The following NCK2 variants were observed in gnomAD, a reference collection of about 807,000 sequenced individuals.
NCK2 encodes the protein NCK adaptor protein 2, also known as cytoplasmic protein NCK2.
Under a neutral mutation model 33.9 loss-of-function variants are expected in NCK2, and 16 were observed. That is an observed-to-expected ratio of 0.47 (90% CI 0.32 to 0.72). The LOEUF (loss-of-function observed/expected upper bound fraction) is 0.72. NCK2 is among the 30% of genes least tolerant of loss of function. The pLI, the probability that NCK2 is intolerant of heterozygous loss-of-function variation, is 0.03. For synonymous variants in NCK2, 273 were observed against 239.9 expected, an observed-to-expected ratio of 1.14 and a Z score of -1.27; for missense variants, 418 against 537.3, an observed-to-expected ratio of 0.78 and a Z score of 2.19.
intron 1 of NCK2, among the ~76,000 whole-genome samples, chr2:105,766,046 C>G (rs1689933111): frequency 6.6e-6 from 1 of 152,092 alleles, no homozygotes; most frequent in Admixed American, 6.6e-5. Flanking sequence ...TGCTTCCTGC[C>G]AAGCAGGACT....
intron 1 of NCK2, among the ~76,000 whole-genome samples, chr2:105,764,688 A>T (rs900982949): frequency 6.6e-6 from 1 of 152,238 alleles, no homozygotes; most frequent in African/African-American, 2.4e-5. Flanking sequence ...ACTTTTAAAG[A>T]TAGAGATAAT....
At chr2:105,880,167 C>G (rs532209857) in intron 3 of NCK2, among the ~76,000 whole-genome samples, 1 of 152,332 alleles carries the variant, frequency 6.6e-6, no homozygotes, top group African/African-American at 2.4e-5. Context: ...ATTCGATACT[C>G]GTATCTGTGA....
chr2:105,747,395 C>G (rs1264522121), intron 1 of NCK2, among the ~76,000 whole-genome samples: 1 of 152,152 alleles, frequency 6.6e-6, no homozygotes, highest in Non-Finnish European at 1.5e-5. Context: ...CACTGGAGTC[C>G]TTTACTTGAT....
At chr2:105,889,405 C>A (rs1011041835) in intron 4 of NCK2, among the ~76,000 whole-genome samples, 2 of 152,136 alleles carry the variant, frequency 1.3e-5, no homozygotes, top group African/African-American at 4.8e-5. Flanking sequence ...CCAGCACTGC[C>A]GATGTTTGTT....
At chr2:105,761,277 G>A (rs1232088711) in intron 1 of NCK2, among the ~76,000 whole-genome samples, 1 of 152,146 alleles carries the variant, frequency 6.6e-6, no homozygotes, top group African/African-American at 2.4e-5. Flanking sequence ...GTCTTGAAGT[G>A]GTCATTTTAA....
rs370529360 is a variant in NCK2 at position 105,792,355 on chromosome 2, T to A, written c.-200-24075T>A. Among the ~76,000 whole-genome samples, 47 of 152,342 alleles carry A rather than the reference T, an allele frequency of 3.1e-4. 1 individual carries two copies. Among genetic ancestry groups the A allele is most frequent in the African/African-American group, 1.1e-3 (46 of 41,574 alleles). On this transcript the variant is annotated intron_variant, in intron 1 of 4. Coordinates refer to ENST00000233154, the MANE Select transcript of NCK2 (RefSeq NM_003581.5). ...CCCAGCTTCAGCAGTTATCAATTAA[T>A]GGCCAATCCTTTATCTAAGCCCCTA...
Position 105,805,901 on chromosome 2 carries a change from A to T in NCK2, c.-200-10529A>T, listed in dbSNP as rs538184787. On this transcript the variant is annotated intron_variant, in intron 1 of 4. Coordinates refer to ENST00000233154, the MANE Select transcript of NCK2 (RefSeq NM_003581.5). ...TTTTTCCAGATTTTGGAATATTTGC[A>T]TAAACATAACGAGAGGTTTTGGGGA... Among the ~76,000 whole-genome samples, 178 of 152,188 alleles carry T rather than the reference A, an allele frequency of 1.2e-3. 1 individual carries two copies. The highest frequency in any genetic ancestry group is 4.2e-3 in the African/African-American group (172 of 41,426).
chr2:105,750,067 C>CACACACACACACACACAA lies in NCK2; in HGVS notation c.-201+4930_-201+4931insCACACACACACACACAAA, dbSNP rs1553449504. Reference sequence around the variant, plus strand: ...ACACACACACACACACACACACACACAAAACAACAACAACAGAATGGGTGG... The same window carrying CACACACACACACACACAA: ...ACACACACACACACACACACACACACACACACACACACACACAAAAAACAACAACAACAGAATGGGTGG... On this transcript the variant is annotated intron_variant, in intron 1 of 4. Coordinates refer to ENST00000233154, the MANE Select transcript of NCK2 (RefSeq NM_003581.5). 4.0e-5 allele frequency among the ~76,000 whole-genome samples: 6 copies of CACACACACACACACACAA among 151,414 alleles called. No individual in the cohort carries two copies. In the East Asian group the frequency reaches 5.8e-4, roughly 15 times the overall value.
At chr2:105,869,722 G>A (rs942914614) in intron 3 of NCK2, among the ~76,000 whole-genome samples, 4 of 152,268 alleles carry the variant, frequency 2.6e-5, no homozygotes, top group East Asian at 1.9e-4. Flanking sequence ...CATCCTTGCC[G>A]CGTCTTGTAC....
chr2:105,835,409 G>GTGTATATATATATATATGTA (rs56250020), intron 2 of NCK2, among the ~76,000 whole-genome samples: 1 of 59,328 alleles, frequency 1.7e-5, no homozygotes, highest in Non-Finnish European at 3.3e-5. Context: ...ATATATACGT[G>GTGTATATATATATATATGTA]TATATATATA....
intron 1 of NCK2, among the ~76,000 whole-genome samples, chr2:105,765,833 A>C (rs981994823): frequency 6.9e-6 from 1 of 144,978 alleles, no homozygotes; most frequent in Admixed American, 6.8e-5. Flanking sequence ...GTGTGTGTGT[A>C]AGTCTGTGGA....
chr2:105,758,320 T>C (rs1483643060), intron 1 of NCK2, among the ~76,000 whole-genome samples: 1 of 152,020 alleles, frequency 6.6e-6, no homozygotes, highest in East Asian at 1.9e-4. Flanking sequence ...ATTTTACAGG[T>C]TTGTTTTATC....
At chr2:105,776,118 C>A (rs1261623295) in intron 1 of NCK2, among the ~76,000 whole-genome samples, 1 of 152,228 alleles carries the variant, frequency 6.6e-6, no homozygotes, top group Non-Finnish European at 1.5e-5. Context: ...GGGTGCGGAG[C>A]AGGCCATGCC....
chr2:105,792,159 G>A (rs919753597), intron 1 of NCK2, among the ~76,000 whole-genome samples: 3 of 152,158 alleles, frequency 2.0e-5, no homozygotes, highest in African/African-American at 7.2e-5. Context: ...AGGCAGGGAG[G>A]TGCTTTGCGC....
intron 3 of NCK2, among the ~76,000 whole-genome samples, chr2:105,880,936 ATTTTTTTTTTTTTT>A (rs59005322): frequency 0.046 from 4,777 of 103,682 alleles, 329 homozygotes; most frequent in African/African-American, 0.15. Flanking sequence ...CAGGTGGCTA[ATTTTTTTTTTTTTT>A]TTTTTTTTTT....
chr2:105,875,877 A>G (rs546648451), intron 3 of NCK2, among the ~76,000 whole-genome samples: 1 of 152,350 alleles, frequency 6.6e-6, no homozygotes, highest in South Asian at 2.1e-4. Context: ...TTTTATGATG[A>G]TAGATTTAAA....
intron 1 of NCK2, among the ~76,000 whole-genome samples, chr2:105,794,001 T>C (rs1690984825): frequency 6.6e-6 from 1 of 152,104 alleles, no homozygotes; most frequent in African/African-American, 2.4e-5. Context: ...TTCACATTGA[T>C]ACTTATAACT....
chr2:105,868,291 C>T (rs1027143171), intron 3 of NCK2, among the ~76,000 whole-genome samples: 7 of 152,138 alleles, frequency 4.6e-5, no homozygotes, highest in African/African-American at 7.2e-5. Context: ...CTTCCCCTTC[C>T]GTTTGGGAAT....
rs763491670 is a variant in NCK2 at position 105,867,371 on chromosome 2, G to C, written c.226+12082G>C. ...CTGTCTTGCAAGATTGTTCATAATA[G>C]GAAGGGCCCACATAACATGGAATCT... On this transcript the variant is annotated intron_variant, in intron 3 of 4. Transcript: ENST00000233154. Among the ~76,000 whole-genome samples the C allele has an allele frequency of 5.0e-4, 76 of 152,154 alleles. 2 individuals are homozygous for C. Among genetic ancestry groups the C allele is most frequent in the Non-Finnish European group, 5.7e-4 (39 of 68,028 alleles).
Sources: gnomAD v4.1 joint callset for allele counts (sites outside exome capture counted in the v4.1 genomes callset) on GRCh38, gnomAD v4.1.1 for gene constraint, MANE v1.5 for transcripts, NCBI Gene and HGNC (gene_info 2026-07-23, HGNC 2026-07-21) for gene names.